The following ANK2 variants were observed in gnomAD, a reference collection of about 807,000 sequenced individuals.
ANK2 encodes ankyrin 2, also known as ankyrin-2.
In ANK2, 83 loss-of-function variants were observed where a neutral mutation model predicts 360.5. That is an observed-to-expected ratio of 0.23 (90% CI 0.19 to 0.28). ANK2 has a LOEUF of 0.28. Among genes scored for constraint, ANK2 ranks in the 10% least tolerant of loss-of-function variants. ANK2 has a pLI of 1.00. For missense variants in ANK2, 4,201 were observed against 4,795.7 expected (o/e 0.88, Z 3.66); for synonymous variants, 1,740 against 1,759.5 (o/e 0.99, Z 0.28).
Position 113,258,125 on chromosome 4 carries a change from G to C in ANK2, c.1264G>C (p.Ala422Pro), listed in dbSNP as rs2050527162. 6.2e-7 allele frequency: 1 copy of C among 1,614,046 alleles called. No individual in the cohort carries two copies. Among genetic ancestry groups the C allele is most frequent in the Non-Finnish European group, 8.5e-7 (1 of 1,179,902 alleles). ...CATGGAACTGCTGGTGAAATATGGG[G>C]CTTCAATCCAAGCTATAACAGAGGT... is the stretch of plus-strand genomic sequence containing the variant. ...KVMELLVKYGASIQAITESGL... is the reference protein window; with the variant it reads ...KVMELLVKYGPSIQAITESGL... The change falls in exon 12 of 46, where the codon GCT (alanine) becomes CCT (proline). Residue 422 changes from alanine (A) to proline (P), a missense_variant. By Grantham distance (27) the Ala-to-Pro change is conservative. This residue lies in a region of ANK2 where 1,268 missense variants were observed against 1,650.8 expected (regional missense o/e 0.77). Transcript: ENST00000357077.
chr4:113,148,418 C>CT (rs1421028073), intron 1 of ANK2, among the ~76,000 whole-genome samples: 1 of 152,084 alleles, frequency 6.6e-6, no homozygotes, highest in Non-Finnish European at 1.5e-5. Context: ...TTATCACATC[C>CT]TTCTTTTTTT....
Position 113,277,915 on chromosome 4 carries a change from G to C in ANK2, c.1762G>C (p.Ala588Pro), listed in dbSNP as rs749143768. ...VAKLLLQRRA[A>P]ADSAGKNGLT... ...AAAACTTCTCTTGCAACGCCGTGCT[G>C]CCGCAGATTCTGCAGGGAAGGTAAA... The change falls in exon 16 of 46, where the codon GCC (alanine) becomes CCC (proline). Residue 588 changes from alanine (A) to proline (P), a missense_variant. Physicochemically the swap from Ala to Pro is conservative, Grantham distance 27. Around this residue, in one of 4 missense-constraint regions of ANK2, gnomAD observed 1,268 missense variants for 1,650.8 expected, o/e 0.77. Coordinates refer to ENST00000357077, the MANE Select transcript of ANK2 (RefSeq NM_001148.6). 1 of 1,613,852 alleles carries C rather than the reference G, an allele frequency of 6.2e-7. No homozygotes were observed. The highest frequency in any genetic ancestry group is 1.7e-5 in the Admixed American group (1 of 60,014).
intron 45 of ANK2, among the ~76,000 whole-genome samples, chr4:113,377,339 G>T (rs1168071573): frequency 6.6e-6 from 1 of 152,108 alleles, no homozygotes; most frequent in Non-Finnish European, 1.5e-5. Flanking sequence ...GCATCACTAG[G>T]TGACAGGAAT....
intron 2 of ANK2, among the ~76,000 whole-genome samples, chr4:113,035,539 C>G (rs2061411003): frequency 6.6e-6 from 1 of 151,860 alleles, no homozygotes; most frequent in Admixed American, 6.6e-5. Flanking sequence ...TTTGATTTAT[C>G]TATCTCCTTT....
chr4:113,174,459 A>G lies in ANK2; in HGVS notation c.128A>G (p.Asn43Ser), dbSNP rs1169068254. ...TTCCTCCGTGCTGCCAGAGCAGGCAACCTGGACAAAGTTGTGGAATATCTG... is the reference window on the plus strand; with the variant it reads ...TTCCTCCGTGCTGCCAGAGCAGGCAGCCTGGACAAAGTTGTGGAATATCTG... ...ASFLRAARAG[N>S]LDKVVEYLKG... The change falls in exon 2 of 46, where the codon AAC (asparagine) becomes AGC (serine). Residue 43 changes from asparagine (N) to serine (S), a missense_variant. Asn to Ser is a conservative substitution (Grantham distance 46, BLOSUM62 1). Transcript: ENST00000357077. 6.2e-7 allele frequency: 1 copy of G among 1,613,342 alleles called. No homozygotes were observed. Among genetic ancestry groups the G allele is most frequent in the East Asian group, 2.2e-5 (1 of 44,854 alleles).
chr4:112,957,007 G>GTT lies in ANK2; in HGVS notation c.21+52517_21+52518dup, dbSNP rs56066718. Among the ~76,000 whole-genome samples the GTT allele has an allele frequency of 1.7e-3, 116 of 66,462 alleles. 2 individuals are homozygous for GTT. The highest frequency in any genetic ancestry group is 5.9e-3 in the East Asian group (13 of 2,212). The allele number at this position is 66,462 out of a possible 152,430, so 43.6% of individuals were successfully genotyped here. The stretch of plus-strand genomic sequence containing the variant: ...CTAAATTATCTGCACTATTGCTCTT[G>GTT]TTTTTTTTTTTTTTTTTTTTTTTTT... On this transcript the variant is annotated intron_variant, in intron 2 of 30. Coordinates refer to the ANK2 transcript ENST00000503271.
intron 2 of ANK2, among the ~76,000 whole-genome samples, chr4:112,991,121 C>T (rs2046599555): frequency 6.6e-6 from 1 of 151,524 alleles, no homozygotes. Context: ...CATGGTGATG[C>T]ATGCCTGTAG....
At chr4:112,845,254 G>A (rs56268780) in intron 1 of ANK2, among the ~76,000 whole-genome samples, 14,971 of 151,330 alleles carry the variant, frequency 0.099, 945 homozygotes, top group Middle Eastern at 0.14. Context: ...TAAATAAATT[G>A]TAATCAACAG....
the ANK2 span, among the ~76,000 whole-genome samples, chr4:112,750,417 A>G: frequency 1.3e-5 from 2 of 152,190 alleles, no homozygotes; most frequent in Non-Finnish European, 2.9e-5. Flanking sequence ...CTATGTTTAA[A>G]TATGTTTAGA....
At chr4:112,912,989 C>T (rs1195787682) in intron 2 of ANK2, among the ~76,000 whole-genome samples, 1 of 152,024 alleles carries the variant, frequency 6.6e-6, no homozygotes, top group African/African-American at 2.4e-5. Flanking sequence ...GCTGAAGTCT[C>T]TAAGGTTTTT....
intron 1 of ANK2, among the ~76,000 whole-genome samples, chr4:113,056,408 G>A (rs571473104): frequency 1.3e-5 from 2 of 152,176 alleles, no homozygotes; most frequent in African/African-American, 4.8e-5. Flanking sequence ...ATTTTAATCT[G>A]TATTTGTTTC....
At chr4:113,218,495 C>T in intron 4 of ANK2, among the ~76,000 whole-genome samples, 1 of 149,530 alleles carries the variant, frequency 6.7e-6, no homozygotes, top group East Asian at 1.9e-4. Context: ...AAAGCAATAA[C>T]TTCATTTGAT....
In ANK2 at chr4:113,367,765, T is replaced by G; in HGVS notation, c.11232T>G (p.Thr3744=). ...DSSATALFPQ[T]HKEQVQQDFS... ...CAGCAACAGCACTCTTTCCCCAAAC[T>G]CACAAGGAGCAAGTTCAACAGGATT... Residue 3744 remains threonine, a synonymous_variant, in exon 42 of 46, where the codon ACT becomes ACG. Transcript: ENST00000357077. 6.2e-7 allele frequency: 1 copy of G among 1,613,892 alleles called. No individual in the cohort carries two copies.
chr4:113,178,950 T>C (rs2098321958), intron 2 of ANK2, among the ~76,000 whole-genome samples: 1 of 152,230 alleles, frequency 6.6e-6, no homozygotes, highest in African/African-American at 2.4e-5. Flanking sequence ...ACAGTGGTGA[T>C]GTCCTTTATC....
At position 113,275,503 on chromosome 4, in the gene ANK2, C is replaced by T. The variant is rs78383682; in HGVS notation, c.1683+854C>T. Among the ~76,000 whole-genome samples, 136 of 152,214 alleles carry T rather than the reference C, an allele frequency of 8.9e-4. 1 individual carries two copies. Among genetic ancestry groups the T allele is most frequent in the African/African-American group, 3.1e-3 (130 of 41,524 alleles). ...TAATCAGTAGGTATAAGTACTTCAT[C>T]CAGGGAGAGGGAAAGTTGCAAATTT... On this transcript the variant is annotated intron_variant, in intron 15 of 45. Transcript: ENST00000357077.
At chr4:112,870,620 C>T (rs1291639732) in intron 1 of ANK2, among the ~76,000 whole-genome samples, 2 of 152,206 alleles carry the variant, frequency 1.3e-5, no homozygotes, top group Non-Finnish European at 2.9e-5. Flanking sequence ...TGACCATAGA[C>T]ACATGAGTTT....
At chr4:113,336,887 A>T (rs1456845065) in intron 31 of ANK2, 106 bp downstream of exon 31, 2 of 1,047,842 alleles carry the variant, frequency 1.9e-6, no homozygotes, top group Non-Finnish European at 2.9e-6. Context: ...GGTCATATGC[A>T]TTAATTCAGG....
chr4:113,114,454 C>A (rs17045612), intron 1 of ANK2, among the ~76,000 whole-genome samples: 34,156 of 152,050 alleles, frequency 0.22, 4,054 homozygotes, highest in Middle Eastern at 0.35. Context: ...CAAACTATCA[C>A]CTGGTTCATT....
intron 38 of ANK2, 107 bp from the exon 39 acceptor site, chr4:113,360,716 C>T: frequency 1.0e-6 from 1 of 977,268 alleles, no homozygotes; most frequent in Non-Finnish European, 1.6e-6. Flanking sequence ...CTAGTTTGTG[C>T]TTTCAAATAT....
Sources: gnomAD v4.1 joint callset for allele counts (sites outside exome capture counted in the v4.1 genomes callset) on GRCh38, gnomAD v4.1.1 for gene constraint, gnomAD v4.1.1 regional missense constraint, MANE v1.5 for transcripts, NCBI Gene and HGNC (gene_info 2026-07-23, HGNC 2026-07-21) for gene names.